The following PLAC1 variants were observed in gnomAD, a reference collection of about 807,000 sequenced individuals.
PLAC1 encodes placenta-specific protein 1.
For synonymous variants in PLAC1, 68 were observed against 62.1 expected (o/e 1.09, Z -0.44); for missense variants, 136 against 163.2 (o/e 0.83, Z 0.91).
intron 1 of PLAC1, among the ~76,000 whole-genome samples, chrX:134,746,497 C>T (rs375605202): frequency 6.3e-5 from 7 of 111,867 alleles, no homozygotes; most frequent in African/African-American, 2.3e-4. Flanking sequence ...TCACCTTGGC[C>T]CTCATTTTTC....
In PLAC1 at chrX:134,697,357, A is replaced by G. The variant is rs28482342; in HGVS notation, n.174+36078T>C. Among the ~76,000 whole-genome samples, 352 of 109,237 alleles carry G rather than the reference A, an allele frequency of 3.2e-3. 1 individual carries two copies. Among genetic ancestry groups the G allele is most frequent in the African/African-American group, 0.011 (335 of 30,127 alleles). 94.9% of individuals were successfully genotyped at this position (109,237 alleles called of 115,157 possible). A position where few individuals can be genotyped will look rare whatever the true frequency, so the allele number is the denominator to read the frequency against. The stretch of plus-strand genomic sequence containing the variant: ...GATAAAAAGAATGTATGGTCATTGT[A>G]AAAAAAAAATCTAACACAATACAAA... On this transcript the variant is annotated intron_variant and non_coding_transcript_variant, in intron 2 of 2. Coordinates refer to the PLAC1 transcript ENST00000466797.
At chrX:134,576,491 G>A (rs989155408) in intron 2 of PLAC1, among the ~76,000 whole-genome samples, 13 of 105,261 alleles carry the variant, frequency 1.2e-4, no homozygotes, top group African/African-American at 4.2e-4. Context: ...AGCCAAGATC[G>A]TGCCACTGCA....
chrX:134,636,895 C>T (rs1210648908), intron 1 of PLAC1, among the ~76,000 whole-genome samples: 1 of 112,030 alleles, frequency 8.9e-6, no homozygotes, highest in Non-Finnish European at 1.9e-5. Context: ...TGGCCTCAGC[C>T]CCTCGACAAG....
At chrX:134,661,977 G>A (rs1427368071), upstream of PLAC1, among the ~76,000 whole-genome samples, 3 of 112,370 alleles carry the variant, frequency 2.7e-5, no homozygotes, top group Non-Finnish European at 5.6e-5. Flanking sequence ...GGTGGCTCAT[G>A]CCTGTAATCC....
intron 1 of PLAC1, among the ~76,000 whole-genome samples, chrX:134,612,921 G>A (rs2078161169): frequency 9.1e-6 from 1 of 110,492 alleles, no homozygotes; most frequent in South Asian, 4.0e-4. Flanking sequence ...ATGGGGATTG[G>A]GCCAGGCATG....
At position 134,658,451 on chromosome X, in the gene PLAC1, CTT is replaced by C. The variant is rs1257801861; in HGVS notation, c.-256_-255del. The C allele has an allele frequency of 8.9e-6, 1 of 112,413 alleles. No individual in the cohort carries two copies. Among genetic ancestry groups the C allele is most frequent in the Non-Finnish European group, 1.9e-5 (1 of 53,277 alleles). The allele number at this position is 112,413 out of a possible 1,213,427, so 9.3% of individuals were successfully genotyped here. On this transcript the variant is annotated 5_prime_UTR_variant, in exon 1 of 3. Coordinates refer to ENST00000359237, the MANE Select transcript of PLAC1 (RefSeq NM_021796.4). ...CCTTTACCTTCATAGGAGAGTCACT[CTT>C]TATACAAATCCTTCTGATGGTCTGA...
At position 134,701,879 on chromosome X, in the gene PLAC1, G is replaced by A. The variant is rs968268020; in HGVS notation, n.174+31556C>T. 3.6e-5 allele frequency among the ~76,000 whole-genome samples: 4 copies of A among 111,710 alleles called. No individual in the cohort carries two copies. The East Asian group carries it at 8.4e-4, about 23-fold the overall frequency. ...CTGAAAATACAAAAATTAGCTGGGCGTGGTAGTACACACCTGTAATTCCAG... is the reference window on the plus strand; with the variant it reads ...CTGAAAATACAAAAATTAGCTGGGCATGGTAGTACACACCTGTAATTCCAG... On this transcript the variant is annotated intron_variant and non_coding_transcript_variant, in intron 2 of 2. Coordinates refer to the PLAC1 transcript ENST00000466797.
chrX:134,676,684 C>T (rs995558047), intron 2 of PLAC1, among the ~76,000 whole-genome samples: 1 of 112,296 alleles, frequency 8.9e-6, no homozygotes, highest in East Asian at 2.8e-4. Flanking sequence ...GATGGAAAGA[C>T]GCAAAACCTA....
intron 2 of PLAC1, among the ~76,000 whole-genome samples, chrX:134,696,853 C>T (rs1021083341): frequency 9.2e-6 from 1 of 109,211 alleles, no homozygotes; most frequent in African/African-American, 3.3e-5. Context: ...TCTGTGAAAA[C>T]CCATCTCTAC....
chrX:134,731,621 A>C lies in PLAC1; in HGVS notation n.174+1814T>G, dbSNP rs1244389456. Among the ~76,000 whole-genome samples the C allele has an allele frequency of 2.9e-4, 32 of 111,777 alleles. No individual in the cohort carries two copies. The Admixed American group carries it at 3.0e-3, about 11-fold the overall frequency. On this transcript the variant is annotated intron_variant and non_coding_transcript_variant, in intron 2 of 2. Transcript: ENST00000466797. ...ATCGTAGGCCTACTACTGCCGGGGT[A>C]GAGCAGAGAGATTGGCACCATCTGA...
chrX:134,709,035 T>C (rs756394354), intron 2 of PLAC1, among the ~76,000 whole-genome samples: 14 of 111,933 alleles, frequency 1.3e-4, no homozygotes, highest in African/African-American at 4.5e-4. Context: ...TATAATTATA[T>C]TGAAATAAAA....
At chrX:134,723,281 T>C (rs1375588609) in intron 2 of PLAC1, among the ~76,000 whole-genome samples, 1 of 110,131 alleles carries the variant, frequency 9.1e-6, no homozygotes, top group African/African-American at 3.3e-5. Context: ...ATTTTAAGCC[T>C]TACCTTTTAG....
At chrX:134,687,816 A>G (rs1372833759) in intron 2 of PLAC1, among the ~76,000 whole-genome samples, 3 of 246 alleles carry the variant, frequency 0.012, no homozygotes, top group Non-Finnish European at 0.049. Flanking sequence ...CTGAGATAAC[A>G]TATATATATA....
intron 1 of PLAC1, among the ~76,000 whole-genome samples, chrX:134,638,962 G>C (rs1602864451): frequency 1.8e-5 from 2 of 111,434 alleles, no homozygotes; most frequent in East Asian, 5.6e-4. Context: ...TTAGGCCCCA[G>C]TGTCTGCTGT....
intron 2 of PLAC1, among the ~76,000 whole-genome samples, chrX:134,705,021 TACACAC>T: frequency 1.0e-5 from 1 of 98,313 alleles, no homozygotes; most frequent in South Asian, 4.3e-4. Context: ...TATATATATA[TACACAC>T]ACACACACTA....
chrX:134,576,478 G>C (rs1401211108), intron 2 of PLAC1, among the ~76,000 whole-genome samples: 2 of 106,882 alleles, frequency 1.9e-5, no homozygotes, highest in Non-Finnish European at 3.8e-5. Context: ...GGAGGTTGCA[G>C]TGAGCCAAGA....
At chrX:134,583,877 GGAGA>G (rs1378739916) in intron 2 of PLAC1, among the ~76,000 whole-genome samples, 1 of 111,054 alleles carries the variant, frequency 9.0e-6, no homozygotes, top group East Asian at 2.8e-4. Flanking sequence ...TGAATTATGG[GGAGA>G]GAGAGAAGGA....
At chrX:134,727,760 T>C (rs1283466355) in intron 2 of PLAC1, among the ~76,000 whole-genome samples, 1 of 111,784 alleles carries the variant, frequency 8.9e-6, no homozygotes, top group Non-Finnish European at 1.9e-5. Flanking sequence ...TGCAAAGAAA[T>C]AGCCCATACA....
At chrX:134,660,660 G>A (rs1219819873), upstream of PLAC1, among the ~76,000 whole-genome samples, 1 of 112,068 alleles carries the variant, frequency 8.9e-6, no homozygotes, top group Non-Finnish European at 1.9e-5. Context: ...TAAGCTACAT[G>A]GAGGACAGAA....
Sources: gnomAD v4.1 joint callset for allele counts (sites outside exome capture counted in the v4.1 genomes callset) on GRCh38, gnomAD v4.1.1 for gene constraint, MANE v1.5 for transcripts, NCBI Gene and HGNC (gene_info 2026-07-23, HGNC 2026-07-21) for gene names.